Variants in NAALADL2 observed in about 807,000 individuals in gnomAD.
The protein encoded by NAALADL2 is inactive N-acetylated-alpha-linked acidic dipeptidase-like protein 2.
A neutral mutation model predicts 87.2 loss-of-function variants in NAALADL2; 76 were observed. The ratio of observed to expected loss-of-function variants is 0.87; its 90% CI spans 0.72 to 1.05. The LOEUF (loss-of-function observed/expected upper bound fraction) is 1.05, where lower values mean the gene tolerates loss of function less well. NAALADL2 is among the 50% of genes least tolerant of loss of function. NAALADL2 has a pLI of 0.00. For missense variants in NAALADL2, 1,089 were observed against 945.8 expected, an observed-to-expected ratio of 1.15 and a Z score of -1.99; for synonymous variants, 354 against 331.0, an observed-to-expected ratio of 1.07 and a Z score of -0.75.
intron 3 of NAALADL2, among the ~76,000 whole-genome samples, chr3:174,826,587 A>T (rs918289356): frequency 3.3e-5 from 5 of 152,210 alleles, no homozygotes; most frequent in Non-Finnish European, 7.3e-5. Flanking sequence ...AAATACTTGG[A>T]TTTGAATGCC....
intron 4 of NAALADL2, among the ~76,000 whole-genome samples, chr3:175,270,318 A>G (rs1279300685): frequency 1.3e-5 from 2 of 152,216 alleles, no homozygotes; most frequent in Non-Finnish European, 2.9e-5. Context: ...TAAGGGGTGA[A>G]AAATATCACT....
At chr3:174,453,928 A>G (rs1715650336) in intron 1 of NAALADL2, among the ~76,000 whole-genome samples, 1 of 152,210 alleles carries the variant, frequency 6.6e-6, no homozygotes, top group East Asian at 1.9e-4. Flanking sequence ...CTTGAATGTA[A>G]GTGAACTAAA....
At chr3:174,963,737 A>G (rs1006481804) in intron 1 of NAALADL2, among the ~76,000 whole-genome samples, 1 of 152,166 alleles carries the variant, frequency 6.6e-6, no homozygotes, top group Non-Finnish European at 1.5e-5. Context: ...ATGTTAGACA[A>G]CTGAAAAAGA....
chr3:175,737,402 A>G lies in NAALADL2; in HGVS notation c.1990+3A>G, dbSNP rs965745071. On this transcript the variant is annotated splice_donor_region_variant and intron_variant, in intron 12 of 13. Transcript: ENST00000454872. ...AGAAGTTCAAAACAACCTTAAAGGT[A>G]ATTTTCCTTTGAATTATAGTAATTT... 9 of 1,547,344 alleles carry G rather than the reference A, an allele frequency of 5.8e-6. No homozygotes were observed. Among genetic ancestry groups the G allele is most frequent in the Non-Finnish European group, 5.3e-6 (6 of 1,121,548 alleles).
intron 5 of NAALADL2, among the ~76,000 whole-genome samples, chr3:175,376,651 A>AACTTG (rs1767162964): frequency 5.9e-5 from 9 of 152,030 alleles, no homozygotes; most frequent in Admixed American, 5.9e-4. Context: ...GTGGACTGTT[A>AACTTG]TGTTTCATCA....
rs546993496 is a variant in NAALADL2, at chr3:174,550,844, A to G, written c.-115+207A>G. The G allele has an allele frequency of 5.9e-5, 9 of 152,114 alleles. No homozygotes were observed. The South Asian group carries it at 1.9e-3, about 32-fold the overall frequency. The allele number at this position is 152,114 out of a possible 1,614,324, so 9.4% of individuals were successfully genotyped here. A position where few individuals can be genotyped will look rare whatever the true frequency, so the allele number is the denominator to read the frequency against. ...TCCTTTTAAAATAAATAATCTAATA[A>G]TTTTATAGCATTTTAAATAATCATA... On this transcript the variant is annotated intron_variant, in intron 2 of 3. Transcript: ENST00000434257.
At chr3:175,257,359 C>T (rs1483607053) in intron 4 of NAALADL2, 1 of 142,144 alleles carries the variant, frequency 7.0e-6, no homozygotes, top group East Asian at 2.1e-4. Context: ...AACTAGAGAA[C>T]ATCCTATGTC....
chr3:175,660,361 T>C (rs1732086213), intron 11 of NAALADL2, among the ~76,000 whole-genome samples: 1 of 152,190 alleles, frequency 6.6e-6, no homozygotes, highest in African/African-American at 2.4e-5. Flanking sequence ...AATGATGCTA[T>C]GTCAGACCCT....
chr3:175,500,665 G>A (rs564220824), intron 9 of NAALADL2, among the ~76,000 whole-genome samples: 1 of 152,018 alleles, frequency 6.6e-6, no homozygotes, highest in Non-Finnish European at 1.5e-5. Context: ...CTATTATCAA[G>A]TACTTTAATC....
intron 1 of NAALADL2, among the ~76,000 whole-genome samples, chr3:174,992,434 T>A (rs546651536): frequency 1.2e-3 from 189 of 152,230 alleles, no homozygotes; most frequent in African/African-American, 4.3e-3. Flanking sequence ...GGTAATATTC[T>A]TTTGTGAGGG....
intron 1 of NAALADL2, among the ~76,000 whole-genome samples, chr3:174,873,712 G>A (rs1728144329): frequency 6.6e-6 from 1 of 151,912 alleles, no homozygotes; most frequent in South Asian, 2.1e-4. Flanking sequence ...CCTATTATAT[G>A]CCAGGTACTT....
intron 1 of NAALADL2, among the ~76,000 whole-genome samples, chr3:174,549,205 G>A (rs1711796281): frequency 6.6e-6 from 1 of 152,174 alleles, no homozygotes; most frequent in South Asian, 2.1e-4. Flanking sequence ...AAATGGAACT[G>A]TTTTCTGACA....
At chr3:174,885,819 A>G (rs903425957) in intron 1 of NAALADL2, among the ~76,000 whole-genome samples, 2 of 137,768 alleles carry the variant, frequency 1.5e-5, no homozygotes, top group African/African-American at 5.3e-5. Flanking sequence ...AACTCACACA[A>G]TCACAAGTTC....
In NAALADL2 at chr3:174,896,393, A is replaced by C. The variant is rs111718478; in HGVS notation, c.43+36943A>C. ...TGTTCACAATGATGAACAATGTTAA[A>C]AAGAAATAAAAAGGTAATACCATTT... is the stretch of plus-strand genomic sequence containing the variant. On this transcript the variant is annotated intron_variant, in intron 1 of 13. Coordinates refer to ENST00000454872, the MANE Select transcript of NAALADL2 (RefSeq NM_207015.3). Among the ~76,000 whole-genome samples the C allele has an allele frequency of 1.4e-3, 211 of 152,288 alleles. 1 individual carries two copies. The highest frequency in any genetic ancestry group is 4.8e-3 in the African/African-American group (201 of 41,582).
chr3:175,460,276 A>G, intron 6 of NAALADL2: 1 of 439,510 alleles, frequency 2.3e-6, no homozygotes, highest in Non-Finnish European at 4.5e-6. Context: ...AACAGACTCT[A>G]TGCATATTTA....
chr3:174,799,773 A>G (rs1359126196), intron 3 of NAALADL2, among the ~76,000 whole-genome samples: 4 of 152,298 alleles, frequency 2.6e-5, no homozygotes, highest in Middle Eastern at 3.4e-3. Context: ...AAAATGTGGG[A>G]AAGTTTGGAA....
intron 5 of NAALADL2, among the ~76,000 whole-genome samples, chr3:175,330,486 G>A (rs567729772): frequency 1.8e-4 from 27 of 151,746 alleles, no homozygotes; most frequent in African/African-American, 4.4e-4. Context: ...TCCTCAGACC[G>A]CAATGGAATA....
intron 2 of NAALADL2, among the ~76,000 whole-genome samples, chr3:174,596,309 T>C (rs890842452): frequency 6.6e-6 from 1 of 152,200 alleles, no homozygotes; most frequent in Non-Finnish European, 1.5e-5. Context: ...TCTACTACCA[T>C]TGATGCTGCT....
chr3:174,842,795 G>T (rs1413014968), intron 3 of NAALADL2, among the ~76,000 whole-genome samples: 2 of 152,046 alleles, frequency 1.3e-5, no homozygotes, highest in African/African-American at 2.4e-5. Context: ...GTGTGTGTGT[G>T]TATGTGTGTG....
Sources: gnomAD v4.1 joint callset for allele counts (sites outside exome capture counted in the v4.1 genomes callset) on GRCh38, gnomAD v4.1.1 for gene constraint, MANE v1.5 for transcripts, NCBI Gene and HGNC (gene_info 2026-07-23, HGNC 2026-07-21) for gene names.